ZSWIM6: variants seen among roughly 807,000 people sequenced by gnomAD.
The protein encoded by ZSWIM6 is zinc finger SWIM domain-containing protein 6.
Under a neutral mutation model 113.2 loss-of-function variants are expected in ZSWIM6, and 9 were observed. That is an observed-to-expected ratio of 0.08 (90% CI 0.05 to 0.14). ZSWIM6 has a LOEUF of 0.14. Ranked by LOEUF, ZSWIM6 falls within the 10% of genes least tolerant of loss-of-function variation. ZSWIM6 has a pLI of 1.00. For synonymous variants in ZSWIM6, 611 were observed against 606.5 expected, an observed-to-expected ratio of 1.01 and a Z score of -0.11; for missense variants, 1,162 against 1,552.2, an observed-to-expected ratio of 0.75 and a Z score of 4.22.
intron 1 of ZSWIM6, among the ~76,000 whole-genome samples, chr5:61,418,221 T>A (rs1384508451): frequency 1.3e-5 from 2 of 152,180 alleles, no homozygotes; most frequent in Non-Finnish European, 2.9e-5. Context: ...TCAATAATTT[T>A]AACACAAAGA....
intron 2 of ZSWIM6, 54 bp downstream of exon 2, chr5:61,473,091 T>C: frequency 1.8e-6 from 2 of 1,136,840 alleles, no homozygotes; most frequent in Non-Finnish European, 2.4e-6. Context: ...TTTTCACTTA[T>C]AAATTCAATT....
chr5:61,445,858 A>G (rs962278601), intron 1 of ZSWIM6, among the ~76,000 whole-genome samples: 1 of 152,194 alleles, frequency 6.6e-6, no homozygotes, highest in Admixed American at 6.5e-5. Context: ...TGTTATCCAG[A>G]GCCTAGAAAC....
chr5:61,338,232 TCA>T (rs1744447711), intron 1 of ZSWIM6, among the ~76,000 whole-genome samples: 1 of 152,038 alleles, frequency 6.6e-6, no homozygotes, highest in African/African-American at 2.4e-5. Context: ...GGTACAAATT[TCA>T]GTCAGATAAT....
At chr5:61,449,689 C>A (rs144964688) in intron 1 of ZSWIM6, among the ~76,000 whole-genome samples, 1 of 152,092 alleles carries the variant, frequency 6.6e-6, no homozygotes, top group African/African-American at 2.4e-5. Flanking sequence ...GTCACATGCC[C>A]GGCAAAACTG....
chr5:61,461,679 G>A (rs1213460408), intron 1 of ZSWIM6, among the ~76,000 whole-genome samples: 1 of 152,172 alleles, frequency 6.6e-6, no homozygotes, highest in Non-Finnish European at 1.5e-5. Flanking sequence ...ACAGGTGCTG[G>A]AAATCATTTA....
intron 1 of ZSWIM6, among the ~76,000 whole-genome samples, chr5:61,395,117 G>A (rs757988913): frequency 1.3e-5 from 2 of 152,150 alleles, no homozygotes; most frequent in Non-Finnish European, 2.9e-5. Context: ...ACCAAAGGGG[G>A]TACATTTATA....
chr5:61,516,828 T>C (rs774941272), intron 4 of ZSWIM6, among the ~76,000 whole-genome samples: 2 of 152,020 alleles, frequency 1.3e-5, no homozygotes, highest in African/African-American at 4.8e-5. Context: ...AACATTTCTT[T>C]TAGAACAGAT....
chr5:61,535,192 G>A (rs1193077331), intron 9 of ZSWIM6, among the ~76,000 whole-genome samples: 1 of 152,180 alleles, frequency 6.6e-6, no homozygotes, highest in Admixed American at 6.5e-5. Flanking sequence ...TTACGCTATA[G>A]AGGGTTCCTT....
At chr5:61,541,123 T>C (rs980702229) in intron 12 of ZSWIM6, among the ~76,000 whole-genome samples, 2 of 151,972 alleles carry the variant, frequency 1.3e-5, no homozygotes, top group African/African-American at 2.4e-5. Flanking sequence ...TTTATGTTTT[T>C]AATAGAGACG....
intron 1 of ZSWIM6, among the ~76,000 whole-genome samples, chr5:61,414,154 T>C (rs959673074): frequency 6.6e-6 from 1 of 151,980 alleles, no homozygotes; most frequent in Non-Finnish European, 1.5e-5. Context: ...GGAGAATATG[T>C]TGGTGAGGGC....
intron 2 of ZSWIM6, among the ~76,000 whole-genome samples, chr5:61,479,172 A>G (rs965312613): frequency 6.7e-6 from 1 of 149,186 alleles, no homozygotes; most frequent in South Asian, 2.1e-4. Flanking sequence ...CTCTGTCTCA[A>G]AAAAAAAAAA....
chr5:61,450,057 G>C (rs1397810008), intron 1 of ZSWIM6, among the ~76,000 whole-genome samples: 1 of 152,120 alleles, frequency 6.6e-6, no homozygotes, highest in Non-Finnish European at 1.5e-5. Flanking sequence ...AAAATTACGT[G>C]TTCCAAATTG....
Position 61,543,511 on chromosome 5 carries a change from G to A in ZSWIM6, c.2842G>A (p.Glu948Lys). ...CTGGTTTACACTCTTTACTCCCACC[G>A]AGGCCACAAGTATAGTTGCAACTAC... is the stretch of plus-strand genomic sequence containing the variant. ...QTWFTLFTPT[E>K]ATSIVATTVM... is the part of the protein sequence containing the mutation. Residue 948 changes from glutamate (E) to lysine (K), a missense_variant, in exon 14 of 14, where the codon GAG becomes AAG. Coordinates refer to ENST00000252744, the MANE Select transcript of ZSWIM6 (RefSeq NM_020928.2). This position sits in a 1 kb window ranked among gnomAD's most constrained non-coding sequence, Gnocchi z 4.3. The A allele has an allele frequency of 6.4e-7, 1 of 1,551,370 alleles. No homozygotes were observed. The highest frequency in any genetic ancestry group is 8.7e-7 in the Non-Finnish European group (1 of 1,146,970).
intron 1 of ZSWIM6, among the ~76,000 whole-genome samples, chr5:61,428,472 C>T (rs1247976860): frequency 2.0e-5 from 3 of 152,138 alleles, no homozygotes; most frequent in Non-Finnish European, 4.4e-5. Context: ...AGGTGATTCT[C>T]CTGCATCAGT....
chr5:61,458,835 G>A (rs1402338711), intron 1 of ZSWIM6, among the ~76,000 whole-genome samples: 3 of 149,912 alleles, frequency 2.0e-5, no homozygotes, highest in African/African-American at 7.4e-5. Context: ...CCGAGATCAT[G>A]CCACTGCCCT....
intron 1 of ZSWIM6, among the ~76,000 whole-genome samples, chr5:61,420,258 T>C (rs1746328683): frequency 6.6e-6 from 1 of 152,356 alleles, no homozygotes; most frequent in East Asian, 1.9e-4. Flanking sequence ...CAGCACATTG[T>C]CTAATGACAG....
intron 1 of ZSWIM6, among the ~76,000 whole-genome samples, chr5:61,392,446 C>G (rs1034642109): frequency 6.6e-6 from 1 of 152,096 alleles, no homozygotes; most frequent in Non-Finnish European, 1.5e-5. Context: ...TGTGAGGAAG[C>G]AAAAATCACA....
chr5:61,404,904 A>G (rs1051258542), intron 1 of ZSWIM6, among the ~76,000 whole-genome samples: 1 of 152,204 alleles, frequency 6.6e-6, no homozygotes, highest in Non-Finnish European at 1.5e-5. Context: ...TTATGCAGGT[A>G]ATTTTGATGC....
intron 1 of ZSWIM6, among the ~76,000 whole-genome samples, chr5:61,344,381 T>G (rs1199336188): frequency 6.6e-6 from 1 of 152,230 alleles, no homozygotes; most frequent in African/African-American, 2.4e-5. Context: ...GGCTGCTTTG[T>G]GATGATGGCA....
Sources: gnomAD v4.1 joint callset for allele counts (sites outside exome capture counted in the v4.1 genomes callset) on GRCh38, gnomAD v4.1.1 for gene constraint, Gnocchi (gnomAD v3.1) non-coding constraint, MANE v1.5 for transcripts, NCBI Gene and HGNC (gene_info 2026-07-23, HGNC 2026-07-21) for gene names.